Variants in FRMD6 observed in about 807,000 individuals in gnomAD.
FRMD6 encodes the protein FERM domain-containing protein 6.
In FRMD6, 37 loss-of-function variants were observed where a neutral mutation model predicts 73.2. That is an observed-to-expected ratio of 0.51 (90% CI 0.39 to 0.66). FRMD6 has a LOEUF of 0.66. Among genes scored for constraint, FRMD6 ranks in the 30% least tolerant of loss-of-function variants. The pLI, the probability that FRMD6 is intolerant of heterozygous loss-of-function variation, is 0.00. For synonymous variants in FRMD6, 273 were observed against 282.2 expected (o/e 0.97, Z 0.33); for missense variants, 714 against 780.5 (o/e 0.91, Z 1.02).
chr14:51,484,428 G>A (rs1433281900), upstream of FRMD6, among the ~76,000 whole-genome samples: 1 of 152,116 alleles, frequency 6.6e-6, no homozygotes, highest in South Asian at 2.1e-4. Context: ...AGTGGAGACA[G>A]GGCCCTGGAA....
chr14:51,497,443 A>ATTCC, intron 1 of FRMD6, among the ~76,000 whole-genome samples: 2 of 152,102 alleles, frequency 1.3e-5, no homozygotes, highest in South Asian at 4.2e-4. Flanking sequence ...TATTAGACAA[A>ATTCC]ATCTATACCC....
At chr14:51,623,111 CA>C (rs1041229404) in intron 2 of FRMD6, among the ~76,000 whole-genome samples, 1 of 151,624 alleles carries the variant, frequency 6.6e-6, no homozygotes, top group African/African-American at 2.4e-5. Flanking sequence ...CTTGCTCCTC[CA>C]AAAAAAATAA....
chr14:51,521,563 TA>T (rs550875518), intron 1 of FRMD6, among the ~76,000 whole-genome samples: 93 of 143,706 alleles, frequency 6.5e-4, no homozygotes, highest in South Asian at 1.1e-3. Context: ...TGTATAGCTC[TA>T]AAAAAAAAAA....
chr14:51,620,554 G>T (rs116177042), intron 2 of FRMD6, among the ~76,000 whole-genome samples: 2 of 151,982 alleles, frequency 1.3e-5, no homozygotes, highest in African/African-American at 4.8e-5. Context: ...CCAGTCAGAC[G>T]TTTGCTTGGG....
chr14:51,457,685 C>T, the FRMD6 span, among the ~76,000 whole-genome samples: 216 of 152,220 alleles, frequency 1.4e-3, 2 homozygotes, highest in Middle Eastern at 0.034. Flanking sequence ...GGTAGCACTT[C>T]GCTGTAATTG....
chr14:51,516,676 T>A (rs536076192), intron 1 of FRMD6, among the ~76,000 whole-genome samples: 1 of 152,324 alleles, frequency 6.6e-6, no homozygotes, highest in South Asian at 2.1e-4. Flanking sequence ...TGATTCTTAG[T>A]CTCAAATAAA....
chr14:51,613,781 T>C (rs772553493), intron 2 of FRMD6, among the ~76,000 whole-genome samples: 3 of 152,070 alleles, frequency 2.0e-5, no homozygotes, highest in Non-Finnish European at 4.4e-5. Context: ...CCCAGTACCA[T>C]TCAACAGAAA....
At chr14:51,608,719 C>A (rs181926986) in intron 2 of FRMD6, among the ~76,000 whole-genome samples, 10 of 152,276 alleles carry the variant, frequency 6.6e-5, no homozygotes, top group Non-Finnish European at 1.0e-4. Flanking sequence ...CCTCAACCCC[C>A]AGCCCAACTG....
At chr14:51,623,043 T>C (rs920824272) in intron 2 of FRMD6, among the ~76,000 whole-genome samples, 3 of 152,186 alleles carry the variant, frequency 2.0e-5, no homozygotes, top group Admixed American at 1.3e-4. Flanking sequence ...CAGTCATGGC[T>C]TCGTCATTTG....
At chr14:51,469,380 G>C in the FRMD6 span, among the ~76,000 whole-genome samples, 4 of 149,920 alleles carry the variant, frequency 2.7e-5, no homozygotes, top group Non-Finnish European at 6.0e-5. Flanking sequence ...TTGGGAGGCC[G>C]AGGCGGGCGG....
the FRMD6 span, among the ~76,000 whole-genome samples, chr14:51,440,192 A>G: frequency 6.6e-6 from 1 of 152,252 alleles, no homozygotes; most frequent in Non-Finnish European, 1.5e-5. Context: ...AAGCATGTGT[A>G]ATAATTGATG....
At chr14:51,430,393 C>T in the FRMD6 span, among the ~76,000 whole-genome samples, 1 of 152,298 alleles carries the variant, frequency 6.6e-6, no homozygotes, top group East Asian at 1.9e-4. Flanking sequence ...TCTTTTCTGG[C>T]CTCCACTAAT....
chr14:51,692,736 A>G (rs985556252), intron 2 of FRMD6: 1 of 152,194 alleles, frequency 6.6e-6, no homozygotes, highest in Non-Finnish European at 1.5e-5. Flanking sequence ...CAGCTTACTA[A>G]TATTCAGATT....
chr14:51,474,312 A>G, the FRMD6 span, among the ~76,000 whole-genome samples: 1 of 152,226 alleles, frequency 6.6e-6, no homozygotes, highest in Non-Finnish European at 1.5e-5. Flanking sequence ...TCTGAAAGAC[A>G]AAGCAGTTAA....
At chr14:51,674,234 CTTCA>C (rs555557181) in intron 1 of FRMD6, among the ~76,000 whole-genome samples, 179 of 152,294 alleles carry the variant, frequency 1.2e-3, no homozygotes, top group Non-Finnish European at 1.5e-3. Context: ...ACCATGTTTT[CTTCA>C]TTCATTCTTC....
At position 51,702,684 on chromosome 14, in the gene FRMD6, C is replaced by G. The variant is rs150584687; in HGVS notation, c.371+96C>G. 4.3e-4 allele frequency: 434 copies of G among 1,000,330 alleles called. 1 individual carries two copies. In the African/African-American group the frequency reaches 5.2e-3, roughly 12 times the overall value. The allele number at this position is 1,000,330 out of a possible 1,614,324, so 62.0% of individuals were successfully genotyped here. Reference sequence around the variant, plus strand: ...GTTACGTGTGTTTATTCTTTGTCTTCACCTTTAGGATATAAACTCTGTAGG... The same window carrying G: ...GTTACGTGTGTTTATTCTTTGTCTTGACCTTTAGGATATAAACTCTGTAGG... On this transcript the variant is annotated intron_variant, in intron 5 of 13. Coordinates refer to ENST00000344768, the MANE Select transcript of FRMD6 (RefSeq NM_001267046.2).
In FRMD6 at chr14:51,503,105, A is replaced by G. The variant is rs144051983; in HGVS notation, c.-210+13685A>G. Among the ~76,000 whole-genome samples the G allele has an allele frequency of 2.7e-3, 410 of 152,282 alleles. 2 individuals are homozygous for G. Among genetic ancestry groups the G allele is most frequent in the African/African-American group, 9.4e-3 (389 of 41,562 alleles). The stretch of plus-strand genomic sequence containing the variant: ...CTTAAGAAGCTTTTGGGCTGAGACA[A>G]TGGGATTTTCTAGATATAGAATCAT... On this transcript the variant is annotated intron_variant, in intron 1 of 14. Transcript: ENST00000356218.
chr14:51,719,647 C>G (rs1897421399), intron 10 of FRMD6, among the ~76,000 whole-genome samples: 1 of 152,162 alleles, frequency 6.6e-6, no homozygotes, highest in Admixed American at 6.5e-5. Context: ...ATTTAATATG[C>G]TATGGATACT....
upstream of FRMD6, chr14:51,651,256 C>G (rs542854845): frequency 6.6e-6 from 1 of 152,424 alleles, no homozygotes; most frequent in African/African-American, 2.4e-5. Flanking sequence ...GCTGGGCATC[C>G]TCGGCGGCGC....
Sources: gnomAD v4.1 joint callset for allele counts (sites outside exome capture counted in the v4.1 genomes callset) on GRCh38, gnomAD v4.1.1 for gene constraint, MANE v1.5 for transcripts, NCBI Gene and HGNC (gene_info 2026-07-23, HGNC 2026-07-21) for gene names.